GSE1: variants seen among roughly 807,000 people sequenced by gnomAD.
The protein encoded by GSE1 is genetic suppressor element 1.
Under a neutral mutation model 112.6 loss-of-function variants are expected in GSE1, and 32 were observed. That is an observed-to-expected ratio of 0.28 (90% confidence interval 0.21 to 0.38). GSE1 has a LOEUF of 0.38. GSE1 is among the 10% of genes least tolerant of loss of function. The pLI is 1.00. For missense variants in GSE1, 2,348 were observed against 1,699.2 expected, an observed-to-expected ratio of 1.38 and a Z score of -6.71; for synonymous variants, 1,115 against 735.6, an observed-to-expected ratio of 1.52 and a Z score of -8.35.
chr16:85,391,004 G>A (rs1195344233), intron 2 of GSE1, among the ~76,000 whole-genome samples: 2 of 152,062 alleles, frequency 1.3e-5, no homozygotes, highest in Non-Finnish European at 2.9e-5. Flanking sequence ...CCGCCGCTGC[G>A]CCCTGGGAGT....
At chr16:85,506,088 C>T (rs1265119445) in intron 2 of GSE1, among the ~76,000 whole-genome samples, 1 of 152,214 alleles carries the variant, frequency 6.6e-6, no homozygotes, top group Non-Finnish European at 1.5e-5. Flanking sequence ...GCACCCACCC[C>T]CGGGGAGGTG....
exon 1 of GSE1, chr16:85,170,620 G>A: frequency 1.0e-6 from 1 of 985,476 alleles, no homozygotes; most frequent in Non-Finnish European, 1.2e-6. Flanking sequence ...ACCAGCAGAA[G>A]GCCTTTGCTG....
At chr16:85,665,540 C>T (rs949206982) in intron 12 of GSE1, among the ~76,000 whole-genome samples, 4 of 152,168 alleles carry the variant, frequency 2.6e-5, no homozygotes, top group African/African-American at 7.2e-5. Flanking sequence ...TCTTTGTCTT[C>T]CTCACTCTGC....
intron 1 of GSE1, among the ~76,000 whole-genome samples, chr16:85,589,891 A>C (rs1164440176): frequency 6.6e-6 from 1 of 151,690 alleles, no homozygotes. Context: ...TGTGTGAAGG[A>C]ATGTGTGTGA....
At chr16:85,615,159 C>T (rs1313326990) in intron 1 of GSE1, among the ~76,000 whole-genome samples, 3 of 152,218 alleles carry the variant, frequency 2.0e-5, no homozygotes, top group Non-Finnish European at 4.4e-5. Context: ...CCTCCACCAG[C>T]AGGGACGGCA....
chr16:85,331,533 ATGTG>A (rs199539029), intron 1 of GSE1, among the ~76,000 whole-genome samples: 2 of 109,876 alleles, frequency 1.8e-5, no homozygotes, highest in South Asian at 2.9e-4. Context: ...ATATGTGTAT[ATGTG>A]TATATGTGTG....
intron 1 of GSE1, among the ~76,000 whole-genome samples, chr16:85,623,245 C>T (rs1463511950): frequency 2.7e-5 from 4 of 148,416 alleles, no homozygotes; most frequent in Non-Finnish European, 5.9e-5. Context: ...GACAGGGTCT[C>T]GCTCTGTCAC....
In GSE1 at chr16:85,310,412, G is replaced by A. The variant is rs1041639046; in HGVS notation, c.2284-47051G>A. 1.1e-4 allele frequency among the ~76,000 whole-genome samples: 16 copies of A among 152,162 alleles called. No individual in the cohort carries two copies. The South Asian group carries it at 2.3e-3, about 22-fold the overall frequency. Reference sequence around the variant, plus strand: ...AGCTGTCGTTCTCATTAATGTCATTGTCGGCTGCCTTCCTTTCACAGTGGC... The same window carrying A: ...AGCTGTCGTTCTCATTAATGTCATTATCGGCTGCCTTCCTTTCACAGTGGC... On this transcript the variant is annotated intron_variant, in intron 1 of 2. Transcript: ENST00000637419.
intron 1 of GSE1, among the ~76,000 whole-genome samples, chr16:85,195,704 T>C (rs989405049): frequency 3.3e-5 from 5 of 152,180 alleles, no homozygotes; most frequent in African/African-American, 7.2e-5. Flanking sequence ...ATTAACCCCA[T>C]GAACTTAACC....
chr16:85,379,960 C>A (rs1190013017), intron 2 of GSE1, among the ~76,000 whole-genome samples: 2 of 152,246 alleles, frequency 1.3e-5, no homozygotes, highest in African/African-American at 2.4e-5. Flanking sequence ...AAGACCCTAC[C>A]CCTGCCCTGC....
chr16:85,418,842 G>A (rs757294658), intron 2 of GSE1, among the ~76,000 whole-genome samples: 26 of 152,180 alleles, frequency 1.7e-4, no homozygotes, highest in Admixed American at 1.3e-4. Flanking sequence ...AACGTTTTGA[G>A]CATAGAGCTG....
intron 1 of GSE1, among the ~76,000 whole-genome samples, chr16:85,215,483 A>G (rs557846859): frequency 5.9e-5 from 9 of 152,320 alleles, no homozygotes; most frequent in African/African-American, 1.4e-4. Context: ...GGTGCACTGA[A>G]ATTTCAGAAT....
intron 1 of GSE1, among the ~76,000 whole-genome samples, chr16:85,308,578 CCTT>C (rs2045744004): frequency 6.6e-6 from 1 of 152,084 alleles, no homozygotes; most frequent in Non-Finnish European, 1.5e-5. Flanking sequence ...GAACAGGAAA[CCTT>C]CTCATCTATT....
chr16:85,517,994 C>T (rs553861778), intron 2 of GSE1, among the ~76,000 whole-genome samples: 43 of 152,386 alleles, frequency 2.8e-4, no homozygotes, highest in Non-Finnish European at 1.5e-5. Context: ...GGGGCTCTGC[C>T]TCCCCGTCGC....
intron 1 of GSE1, among the ~76,000 whole-genome samples, chr16:85,190,970 A>G (rs1320879160): frequency 2.6e-5 from 4 of 152,106 alleles, no homozygotes; most frequent in Non-Finnish European, 5.9e-5. Flanking sequence ...AGATATATAT[A>G]TTTTAGAATT....
chr16:85,607,720 G>A (rs963554657), upstream of GSE1, among the ~76,000 whole-genome samples: 18 of 152,208 alleles, frequency 1.2e-4, no homozygotes, highest in Non-Finnish European at 1.9e-4. Flanking sequence ...GGAGAGGCGG[G>A]CGCTGCTTTC....
At chr16:85,451,710 G>A (rs1315867887) in intron 2 of GSE1, among the ~76,000 whole-genome samples, 1 of 96,492 alleles carries the variant, frequency 1.0e-5, no homozygotes, top group African/African-American at 3.6e-5. Context: ...TGGTTGGTGC[G>A]TGCGCTGGTG....
At chr16:85,284,263 G>A (rs567804345) in intron 1 of GSE1, among the ~76,000 whole-genome samples, 2 of 152,368 alleles carry the variant, frequency 1.3e-5, no homozygotes, top group East Asian at 1.9e-4. Flanking sequence ...CATGTGGCGC[G>A]AGGACAAAGA....
At chr16:85,302,656 C>G (rs143493637) in intron 1 of GSE1, among the ~76,000 whole-genome samples, 12 of 152,316 alleles carry the variant, frequency 7.9e-5, no homozygotes, top group African/African-American at 2.6e-4. Flanking sequence ...CCCAGAGCCT[C>G]TGAATCAAAA....
Sources: gnomAD v4.1 joint callset for allele counts (sites outside exome capture counted in the v4.1 genomes callset) on GRCh38, gnomAD v4.1.1 for gene constraint, MANE v1.5 for transcripts, NCBI Gene and HGNC (gene_info 2026-07-23, HGNC 2026-07-21) for gene names.